Variants in RBPMS observed in about 807,000 individuals in gnomAD.
RBPMS encodes RNA binding protein, mRNA processing factor.
A neutral mutation model predicts 26.8 loss-of-function variants in RBPMS; 7 were observed. That is an observed-to-expected ratio of 0.26 (90% CI 0.15 to 0.49). The LOEUF (loss-of-function observed/expected upper bound fraction) is 0.49, where lower values mean the gene tolerates loss of function less well. RBPMS is among the 20% of genes least tolerant of loss of function. The pLI is 0.98. For synonymous variants in RBPMS, 96 were observed against 93.3 expected, an observed-to-expected ratio of 1.03 and a Z score of -0.17; for missense variants, 186 against 250.0, an observed-to-expected ratio of 0.74 and a Z score of 1.73.
intron 4 of RBPMS, among the ~76,000 whole-genome samples, chr8:30,490,538 C>T (rs1337919440): frequency 3.3e-5 from 5 of 152,040 alleles, no homozygotes; most frequent in Admixed American, 6.5e-5. Context: ...TGGCTCACTG[C>T]AACCTCTGCC....
intron 6 of RBPMS, among the ~76,000 whole-genome samples, chr8:30,555,584 T>A (rs1826800391): frequency 6.6e-6 from 1 of 152,210 alleles, no homozygotes; most frequent in South Asian, 2.1e-4. Context: ...AGAGGGTGTG[T>A]GTTTGTGTAC....
Position 30,479,197 on chromosome 8 carries a change from C to T in RBPMS, c.184-118C>T, listed in dbSNP as rs370922040. 4.5e-3 allele frequency: 3,252 copies of T among 727,552 alleles called. 102 individuals are homozygous for T. In the South Asian group the frequency reaches 0.048, roughly 11 times the overall value. 45.1% of individuals were successfully genotyped at this position (727,552 alleles called of 1,614,324 possible). A position where few individuals can be genotyped will look rare whatever the true frequency, so the allele number is the denominator to read the frequency against. ...TCTTCGGGACTTCGCTTTCTTATTT[C>T]TGCCCATTGCCTGTGGTCATTTCTT... On this transcript the variant is annotated intron_variant, in intron 3 of 8. Coordinates refer to ENST00000397323, the MANE Select transcript of RBPMS (RefSeq NM_001008710.3).
chr8:30,549,742 C>CCTTCTTTGCT (rs1554543782), intron 6 of RBPMS, among the ~76,000 whole-genome samples: 1 of 143,960 alleles, frequency 6.9e-6, no homozygotes, highest in Non-Finnish European at 1.5e-5. Flanking sequence ...TTCTTTCTTT[C>CCTTCTTTGCT]TTTCTTTCCT....
At chr8:30,429,312 G>A (rs1811688373) in intron 1 of RBPMS, among the ~76,000 whole-genome samples, 1 of 152,140 alleles carries the variant, frequency 6.6e-6, no homozygotes, top group South Asian at 2.1e-4. Flanking sequence ...AGGAGCCCCT[G>A]TCTGTCTTAA....
At chr8:30,390,382 A>G (rs1343013087) in intron 1 of RBPMS, among the ~76,000 whole-genome samples, 3 of 152,124 alleles carry the variant, frequency 2.0e-5, no homozygotes, top group Admixed American at 2.0e-4. Flanking sequence ...AGTGATCTTC[A>G]GCTGCTCTCC....
chr8:30,547,954 A>T lies in RBPMS; in HGVS notation c.528+3330A>T, dbSNP rs76731544. The stretch of plus-strand genomic sequence containing the variant: ...CAGCTGTGGTCTGGTACCCCTTCAG[A>T]TTTCCCAGCTCTAAAGTAAGGATAC... On this transcript the variant is annotated intron_variant, in intron 6 of 8. Transcript: ENST00000397323. 5.9e-4 allele frequency among the ~76,000 whole-genome samples: 90 copies of T among 152,246 alleles called. 4 individuals are homozygous for T. The East Asian group carries it at 0.014, about 23-fold the overall frequency.
intron 1 of RBPMS, chr8:30,385,454 G>C (rs1806928840): frequency 3.5e-6 from 1 of 287,500 alleles, no homozygotes; most frequent in Admixed American, 5.3e-5. Context: ...CTGACTCCTG[G>C]GTGACCTCAG....
At chr8:30,497,225 T>C (rs1820055005) in intron 4 of RBPMS, among the ~76,000 whole-genome samples, 1 of 152,202 alleles carries the variant, frequency 6.6e-6, no homozygotes, top group African/African-American at 2.4e-5. Flanking sequence ...GATATTTCCT[T>C]TTCTTGTGAC....
At chr8:30,450,124 T>C (rs1046434365) in intron 1 of RBPMS, among the ~76,000 whole-genome samples, 6 of 152,348 alleles carry the variant, frequency 3.9e-5, no homozygotes, top group African/African-American at 1.4e-4. Context: ...ATAACTTTCC[T>C]CTTAAAGTGA....
chr8:30,471,539 G>A (rs1817109473), intron 1 of RBPMS, among the ~76,000 whole-genome samples: 1 of 152,036 alleles, frequency 6.6e-6, no homozygotes, highest in East Asian at 1.9e-4. Flanking sequence ...TATCATTTTT[G>A]TGGAAATCTC....
intron 7 of RBPMS, chr8:30,564,946 T>TC (rs1295876159): frequency 2.4e-4 from 37 of 152,040 alleles, no homozygotes; most frequent in African/African-American, 8.2e-4. Context: ...AGTACTTGTA[T>TC]GAGTCGCACT....
At chr8:30,531,977 AAGTAGATT>A (rs1824269686) in intron 5 of RBPMS, among the ~76,000 whole-genome samples, 1 of 152,186 alleles carries the variant, frequency 6.6e-6, no homozygotes, top group Non-Finnish European at 1.5e-5. Context: ...TAATAAAGTT[AAGTAGATT>A]TTTTTGAGCA....
chr8:30,521,975 T>G (rs1196436148), intron 5 of RBPMS, among the ~76,000 whole-genome samples: 1 of 152,154 alleles, frequency 6.6e-6, no homozygotes, highest in African/African-American at 2.4e-5. Context: ...GCTCAAGAGA[T>G]CTATTGTACA....
chr8:30,440,039 A>G (rs1182946704), intron 1 of RBPMS, among the ~76,000 whole-genome samples: 1 of 152,176 alleles, frequency 6.6e-6, no homozygotes, highest in Non-Finnish European at 1.5e-5. Context: ...CAGTCAATCA[A>G]TCAGTCATTC....
At chr8:30,507,394 A>G (rs901963024) in intron 5 of RBPMS, among the ~76,000 whole-genome samples, 1 of 152,222 alleles carries the variant, frequency 6.6e-6, no homozygotes, top group Non-Finnish European at 1.5e-5. Context: ...AGTACTAGGC[A>G]AACGTAAAGT....
chr8:30,458,381 A>G (rs1307618292), intron 1 of RBPMS, among the ~76,000 whole-genome samples: 1 of 152,106 alleles, frequency 6.6e-6, no homozygotes, highest in African/African-American at 2.4e-5. Flanking sequence ...CCTCTTAGCA[A>G]CCCTGAGAGG....
Position 30,384,766 on chromosome 8 carries a change from T to TTCC in RBPMS, c.-325_-323dup, listed in dbSNP as rs1563271690. The TTCC allele has an allele frequency of 2.9e-5, 7 of 238,562 alleles. No individual in the cohort carries two copies. The highest frequency in any genetic ancestry group is 1.6e-4 in the African/African-American group (7 of 43,208). 14.8% of individuals were successfully genotyped at this position (238,562 alleles called of 1,614,324 possible). A position where few individuals can be genotyped will look rare whatever the true frequency, so the allele number is the denominator to read the frequency against. ...CTTTGCTTCCTTCCTTCCTTCCTTC[T>TTCC]TCCTTCCTCCCCTGGCTCCCGCCCT... On this transcript the variant is annotated 5_prime_UTR_variant, in exon 1 of 9. Transcript: ENST00000397323. The surrounding 1 kb of genome is among the most constrained non-coding windows in gnomAD (Gnocchi z 5.6).
intron 1 of RBPMS, among the ~76,000 whole-genome samples, chr8:30,467,852 T>C (rs970923323): frequency 6.6e-6 from 1 of 152,234 alleles, no homozygotes; most frequent in Non-Finnish European, 1.5e-5. Flanking sequence ...TTTGTTCTCA[T>C]TTTTAAAGTA....
chr8:30,565,778 C>T (rs1025367226), intron 7 of RBPMS: 1 of 152,408 alleles, frequency 6.6e-6, no homozygotes, highest in Non-Finnish European at 1.5e-5. Flanking sequence ...ACCAAAGCTG[C>T]TCAGCTCCTG....
Sources: allele counts gnomAD v4.1 joint callset (sites outside exome capture counted in the v4.1 genomes callset), GRCh38; gene constraint gnomAD v4.1.1; non-coding constraint Gnocchi (gnomAD v3.1); transcripts MANE v1.5; gene names NCBI Gene and HGNC (gene_info 2026-07-23, HGNC 2026-07-21).